Variants in TMEM71 observed in about 807,000 individuals in gnomAD.
The protein encoded by TMEM71 is transmembrane protein 71.
In TMEM71, 44 loss-of-function variants were observed where a neutral mutation model predicts 38.0. That is an observed-to-expected ratio of 1.16 (90% CI 0.91 to 1.49). The LOEUF (loss-of-function observed/expected upper bound fraction) is 1.49. Among genes scored for constraint, TMEM71 ranks in the 40% most tolerant of loss-of-function variants. The probability of loss-of-function intolerance (pLI) is 0.00; values close to 1 mark genes in which losing one functional copy is unlikely to be tolerated. For missense variants in TMEM71, 367 were observed against 348.6 expected (o/e 1.05, Z -0.42); for synonymous variants, 133 against 122.5 (o/e 1.09, Z -0.56).
Position 132,759,733 on chromosome 8 carries a change from T to C in TMEM71, c.-37+743A>G, listed in dbSNP as rs12542387. Among the ~76,000 whole-genome samples the C allele has an allele frequency of 1.2e-3, 176 of 152,308 alleles. 2 individuals carry two copies. Among genetic ancestry groups the C allele is most frequent in the Admixed American group, 9.3e-3 (142 of 15,304 alleles). ...CCACATTTTGTAACATGAGAACTAG[T>C]AATGGATTGTTTTTGTAGCTGTAAT... On this transcript the variant is annotated intron_variant, in intron 1 of 9. Transcript: ENST00000677595.
At position 132,759,046 on chromosome 8, in the gene TMEM71, G is replaced by A. The variant is rs879009118; in HGVS notation, c.-36-131C>T. 4 of 614,784 alleles carry A rather than the reference G, an allele frequency of 6.5e-6. No homozygotes were observed. The South Asian group carries it at 8.0e-5, about 12-fold the overall frequency. The allele number at this position is 614,784 out of a possible 1,614,324, so 38.1% of individuals were successfully genotyped here. A position where few individuals can be genotyped will look rare whatever the true frequency, so the allele number is the denominator to read the frequency against. On this transcript the variant is annotated intron_variant, in intron 1 of 9. Coordinates refer to ENST00000677595, the MANE Select transcript of TMEM71 (RefSeq NM_001382403.1). The stretch of plus-strand genomic sequence containing the variant: ...ATAATACAGAGATACAGAATTGAAG[G>A]TAGGAGACCAGACTGAAGACACAAC...
In TMEM71 at chr8:132,751,273, C is replaced by A. The variant is rs145146609; in HGVS notation, c.314+512G>T. ...ACTATTTGCTATTCCCTAAGTTTTA[C>A]CAGGGTCTCTCAGAACCCCAGACCT... On this transcript the variant is annotated intron_variant, in intron 4 of 9. Coordinates refer to ENST00000677595, the MANE Select transcript of TMEM71 (RefSeq NM_001382403.1). Among the ~76,000 whole-genome samples, 521 of 152,306 alleles carry A rather than the reference C, an allele frequency of 3.4e-3. 3 individuals carry two copies. The highest frequency in any genetic ancestry group is 0.012 in the African/African-American group (497 of 41,562).
intron 5 of TMEM71, among the ~76,000 whole-genome samples, chr8:132,734,960 A>G (rs371886850): frequency 2.6e-5 from 4 of 152,236 alleles, no homozygotes; most frequent in Non-Finnish European, 4.4e-5. Flanking sequence ...GCCCAAAGCC[A>G]CATACTGATG....
Position 132,714,214 on chromosome 8 carries a change from A to G in TMEM71, c.754T>C (p.Trp252Arg). Residue 252 changes from tryptophan (W) to arginine (R), a missense_variant and splice_region_variant, in exon 8 of 10, where the codon TGG (tryptophan) becomes CGG (arginine). By Grantham distance (101) the Trp-to-Arg change is moderately radical. Coordinates refer to ENST00000677595, the MANE Select transcript of TMEM71 (RefSeq NM_001382403.1). ...VCLIISACAR[W>R]FMGEILASVF... is the part of the protein sequence containing the mutation. ...CTGGCTAATATTTCTCCCATAAACC[A>G]TCTGAAACAACAAGATTGCTCTGAT... 6.2e-7 allele frequency: 1 copy of G among 1,609,810 alleles called. No homozygotes were observed. Among genetic ancestry groups the G allele is most frequent in the Non-Finnish European group, 8.5e-7 (1 of 1,177,610 alleles).
intron 6 of TMEM71, among the ~76,000 whole-genome samples, chr8:132,724,620 C>T (rs1827035161): frequency 6.6e-6 from 1 of 152,168 alleles, no homozygotes; most frequent in African/African-American, 2.4e-5. Context: ...GTTTTACAAT[C>T]AATTTGTACA....
the TMEM71 span, among the ~76,000 whole-genome samples, chr8:132,768,032 T>C: frequency 1.5e-3 from 225 of 152,290 alleles, no homozygotes; most frequent in African/African-American, 5.3e-3. Context: ...ATTTAGAGAA[T>C]ATGACAATAA....
chr8:132,725,649 A>T (rs971684993), intron 6 of TMEM71, among the ~76,000 whole-genome samples: 16 of 152,230 alleles, frequency 1.1e-4, no homozygotes, highest in African/African-American at 3.9e-4. Context: ...TGGAAGATGG[A>T]GACCTTGTCC....
intron 4 of TMEM71, among the ~76,000 whole-genome samples, chr8:132,750,592 A>T (rs1451459747): frequency 6.6e-6 from 1 of 152,150 alleles, no homozygotes. Context: ...ACTTCCAAAC[A>T]TGTGTGGACT....
chr8:132,739,339 T>C (rs891229483), intron 5 of TMEM71, among the ~76,000 whole-genome samples: 1 of 152,062 alleles, frequency 6.6e-6, no homozygotes, highest in African/African-American at 2.4e-5. Context: ...TGAGATGGAG[T>C]CTCGCTCTGT....
At chr8:132,732,841 C>T (rs1827534496) in intron 5 of TMEM71, among the ~76,000 whole-genome samples, 1 of 152,122 alleles carries the variant, frequency 6.6e-6, no homozygotes, top group Non-Finnish European at 1.5e-5. Context: ...GAACAGAGGC[C>T]AGGGATGCTA....
At chr8:132,748,471 A>G (rs1419459249) in intron 4 of TMEM71, among the ~76,000 whole-genome samples, 1 of 152,196 alleles carries the variant, frequency 6.6e-6, no homozygotes. Flanking sequence ...CAAAATGTGA[A>G]TAGTGCTACT....
At chr8:132,745,810 T>A (rs1363243420) in intron 5 of TMEM71, among the ~76,000 whole-genome samples, 1 of 151,830 alleles carries the variant, frequency 6.6e-6, no homozygotes, top group Non-Finnish European at 1.5e-5. Context: ...AAATGGTACA[T>A]ATACACCATG....
At chr8:132,759,188 A>T (rs905136688) in intron 1 of TMEM71, 17 of 257,942 alleles carry the variant, frequency 6.6e-5, no homozygotes, top group Middle Eastern at 2.3e-3. Context: ...ATCTAGACTT[A>T]AAAAGGTTGA....
At chr8:132,712,439 A>T in intron 9 of TMEM71, among the ~76,000 whole-genome samples, 1 of 152,084 alleles carries the variant, frequency 6.6e-6, no homozygotes, top group African/African-American at 2.4e-5. Context: ...TGCAGATCGG[A>T]TATTGGCTCT....
intron 6 of TMEM71, among the ~76,000 whole-genome samples, chr8:132,724,209 T>C (rs1393380562): frequency 1.3e-5 from 2 of 151,786 alleles, no homozygotes; most frequent in African/African-American, 2.4e-5. Flanking sequence ...GAAAACAGAG[T>C]TCGAGAGCAG....
the TMEM71 span, chr8:132,775,487 G>GGCGGATCCGGCGCT: frequency 2.7e-6 from 1 of 376,754 alleles, no homozygotes; most frequent in Non-Finnish European, 4.7e-6. Flanking sequence ...CGAAACCTTG[G>GGCGGATCCGGCGCT]GCGGATCCGG....
intron 2 of TMEM71, 28 bp downstream of exon 2, chr8:132,758,812 T>C: frequency 6.9e-6 from 11 of 1,602,722 alleles, no homozygotes; most frequent in Non-Finnish European, 8.5e-6. Context: ...CAAAAGATAA[T>C]TGCGTATCAC....
upstream of TMEM71, among the ~76,000 whole-genome samples, chr8:132,764,283 G>A (rs1010201053): frequency 1.8e-5 from 2 of 108,572 alleles, no homozygotes; most frequent in African/African-American, 8.0e-5. Context: ...ATATGAACTG[G>A]GAGGTTGTGT....
At chr8:132,732,730 T>A (rs1212501196) in intron 5 of TMEM71, among the ~76,000 whole-genome samples, 1 of 152,156 alleles carries the variant, frequency 6.6e-6, no homozygotes, top group African/African-American at 2.4e-5. Flanking sequence ...TAGTTCTTAA[T>A]AGGGGGTGAT....
Sources: allele counts gnomAD v4.1 joint callset (sites outside exome capture counted in the v4.1 genomes callset), GRCh38; gene constraint gnomAD v4.1.1; transcripts MANE v1.5; gene names NCBI Gene and HGNC (gene_info 2026-07-23, HGNC 2026-07-21).